The following MAPT variants were observed in gnomAD, a reference collection of about 807,000 sequenced individuals.
MAPT encodes the protein microtubule-associated protein tau.
In MAPT, 34 loss-of-function variants were observed where a neutral mutation model predicts 67.9. That is an observed-to-expected ratio of 0.50 (90% CI 0.38 to 0.67). MAPT has a LOEUF of 0.67. MAPT is among the 30% of genes least tolerant of loss of function. The pLI is 0.00. For missense variants in MAPT, 881 were observed against 1,115.2 expected (o/e 0.79, Z 2.99); for synonymous variants, 456 against 464.5 (o/e 0.98, Z 0.23).
At chr17:46,013,215 C>T (rs1240301993) in intron 10 of MAPT, among the ~76,000 whole-genome samples, 1 of 152,168 alleles carries the variant, frequency 6.6e-6, no homozygotes, top group East Asian at 1.9e-4. Flanking sequence ...TGGCTGCCCC[C>T]TTGCACCCTC....
At chr17:45,948,345 C>A (rs1384306838) in intron 1 of MAPT, among the ~76,000 whole-genome samples, 2 of 152,164 alleles carry the variant, frequency 1.3e-5, no homozygotes, top group Non-Finnish European at 2.9e-5. Flanking sequence ...GCTCCCCGCT[C>A]CTGGAGTAGA....
chr17:45,982,852 C>T lies in MAPT; in HGVS notation c.287-14C>T, dbSNP rs1029463906. On this transcript the variant is annotated splice_polypyrimidine_tract_variant and intron_variant, in intron 4 of 12. Transcript: ENST00000262410. ...CCTTGCTAACCTTTTGCTATCGCTG[C>T]CTCTTCAAACCAGAGGAGTTGAGAG... 1.6e-6 allele frequency: 2 copies of T among 1,277,670 alleles called. No homozygotes were observed. The highest frequency in any genetic ancestry group is 9.9e-7 in the Non-Finnish European group (1 of 1,010,270). The allele number at this position is 1,277,670 out of a possible 1,614,324, so 79.1% of individuals were successfully genotyped here.
intron 11 of MAPT, among the ~76,000 whole-genome samples, 181 bp downstream of exon 11, chr17:46,014,505 C>G (rs368500679): frequency 6.6e-6 from 1 of 152,060 alleles, no homozygotes; most frequent in Non-Finnish European, 1.5e-5. Flanking sequence ...GGCTCCAGCT[C>G]GCTCCTGCCC....
intron 1 of MAPT, among the ~76,000 whole-genome samples, chr17:45,920,428 C>A (rs557693528): frequency 3.7e-4 from 57 of 152,342 alleles, no homozygotes; most frequent in Admixed American, 1.4e-3. Flanking sequence ...GCTAGGCCAC[C>A]TTCCCATGGT....
At position 45,981,963 on chromosome 17, in the gene MAPT, G is replaced by A. The variant is rs369225583; in HGVS notation, c.287-903G>A. On this transcript the variant is annotated intron_variant, in intron 4 of 12. Transcript: ENST00000262410. ...TGAGCCCTGGAGTTAAAGTTGCAAT[G>A]AGCTGTGATTGCACCACTGCACTCT... Among the ~76,000 whole-genome samples, 3 of 149,650 alleles carry A rather than the reference G, an allele frequency of 2.0e-5. No individual in the cohort carries two copies. In the South Asian group the frequency reaches 6.4e-4, roughly 32 times the overall value.
chr17:46,014,020 C>G (rs144963912), intron 10 of MAPT, among the ~76,000 whole-genome samples: 23 of 152,284 alleles, frequency 1.5e-4, no homozygotes, highest in Non-Finnish European at 2.9e-4. Flanking sequence ...CCCAGCTCCC[C>G]TGGGGCAGGG....
rs181415509 is a variant in MAPT, at chr17:45,900,727, G to A, written c.-18+6041G>A. Among the ~76,000 whole-genome samples, 13 of 152,320 alleles carry A rather than the reference G, an allele frequency of 8.5e-5. No homozygotes were observed. The East Asian group carries it at 2.3e-3, about 27-fold the overall frequency. ...GTTTGGCCTAATGGTTAAGGAGGTA[G>A]GCTCTGATCGGGCCTCCTGGGCACA... On this transcript the variant is annotated intron_variant, in intron 1 of 12. Coordinates refer to ENST00000262410, the MANE Select transcript of MAPT (RefSeq NM_001377265.1).
chr17:46,023,204 T>G (rs950125671), intron 12 of MAPT, among the ~76,000 whole-genome samples: 4 of 152,220 alleles, frequency 2.6e-5, no homozygotes, highest in Non-Finnish European at 5.9e-5. Flanking sequence ...ACCTAAGAGC[T>G]TCACTTCTAG....
At chr17:45,964,945 T>C (rs1472988323) in intron 2 of MAPT, among the ~76,000 whole-genome samples, 1 of 152,090 alleles carries the variant, frequency 6.6e-6, no homozygotes, top group Non-Finnish European at 1.5e-5. Context: ...ACCCCGAAGG[T>C]TAGCCTGTTG....
intron 1 of MAPT, among the ~76,000 whole-genome samples, chr17:45,911,148 A>G (rs535733516): frequency 6.6e-6 from 1 of 152,176 alleles, no homozygotes; most frequent in Non-Finnish European, 1.5e-5. Flanking sequence ...AATTTCCACA[A>G]TGTTGTCTAA....
Position 46,024,495 on chromosome 17 carries a change from T to G in MAPT, c.*324T>G. On this transcript the variant is annotated 3_prime_UTR_variant, in exon 13 of 13. Transcript: ENST00000262410. ...GATTCTTTTTTCTTCCCCCTCCATGTAGAAGAGGGAGAAGGAGAGGCTCTG... is the reference window on the plus strand; with the variant it reads ...GATTCTTTTTTCTTCCCCCTCCATGGAGAAGAGGGAGAAGGAGAGGCTCTG... 2.3e-6 allele frequency: 1 copy of G among 425,918 alleles called. No homozygotes were observed. Among genetic ancestry groups the G allele is most frequent in the Non-Finnish European group, 4.4e-6 (1 of 228,174 alleles). The allele number at this position is 425,918 out of a possible 1,614,324, so 26.4% of individuals were successfully genotyped here. A position where few individuals can be genotyped will look rare whatever the true frequency, so the allele number is the denominator to read the frequency against.
intron 1 of MAPT, among the ~76,000 whole-genome samples, chr17:45,937,419 C>G (rs2067437467): frequency 6.6e-6 from 1 of 151,950 alleles, no homozygotes. Flanking sequence ...AAGACCCTAT[C>G]TCTACAAAAA....
chr17:45,956,745 A>C (rs1425483976), intron 1 of MAPT, among the ~76,000 whole-genome samples: 118 of 126,388 alleles, frequency 9.3e-4, no homozygotes, highest in African/African-American at 1.8e-3. Flanking sequence ...ATCCCTCCCC[A>C]CTCCCCCCAC....
chr17:45,951,642 G>A (rs896593100), intron 1 of MAPT, among the ~76,000 whole-genome samples: 1 of 152,094 alleles, frequency 6.6e-6, no homozygotes, highest in African/African-American at 2.4e-5. Context: ...CTGGGAGGGT[G>A]TGATTCTGAA....
chr17:45,980,978 C>T (rs1350685357), intron 4 of MAPT, among the ~76,000 whole-genome samples: 1 of 152,214 alleles, frequency 6.6e-6, no homozygotes, highest in Non-Finnish European at 1.5e-5. Context: ...GATTTAACCA[C>T]CTGCTGTGTG....
chr17:46,018,517 G>C (rs2076329603), intron 11 of MAPT, 101 bp from the exon 12 acceptor site: 1 of 897,528 alleles, frequency 1.1e-6, no homozygotes, highest in Non-Finnish European at 1.9e-6. Context: ...AGCAGCCCCT[G>C]GCACTTTGCC....
chr17:46,006,742 G>A lies in MAPT; in HGVS notation c.1999-3568G>A, dbSNP rs576235739. Among the ~76,000 whole-genome samples, 7 of 151,930 alleles carry A rather than the reference G, an allele frequency of 4.6e-5. No homozygotes were observed. In the East Asian group the frequency reaches 5.8e-4, roughly 13 times the overall value. On this transcript the variant is annotated intron_variant, in intron 9 of 12. Coordinates refer to ENST00000262410, the MANE Select transcript of MAPT (RefSeq NM_001377265.1). ...ATCCTAGCTAACATGGTGAAACCCC[G>A]TCTCTACTACAAATACAAAAAAAAG...
rs374615641 is a variant in MAPT at position 45,966,404 on chromosome 17, A to G, written c.133+3934A>G. ...GGAGTTTGAGACAAGCCTGGGCAAC[A>G]TGGTGAAATCCTGTCTCTAAAAAAA... On this transcript the variant is annotated intron_variant, in intron 2 of 12. Coordinates refer to ENST00000262410, the MANE Select transcript of MAPT (RefSeq NM_001377265.1). Among the ~76,000 whole-genome samples the G allele has an allele frequency of 1.6e-4, 25 of 152,168 alleles. 1 individual carries two copies. The East Asian group carries it at 4.4e-3, about 27-fold the overall frequency.
intron 3 of MAPT, chr17:45,972,919 C>G (rs888709420): frequency 1.3e-5 from 2 of 152,290 alleles, no homozygotes; most frequent in African/African-American, 2.4e-5. Flanking sequence ...GGACATTGAG[C>G]ATTTTGCCGT....
Sources: allele counts gnomAD v4.1 joint callset (sites outside exome capture counted in the v4.1 genomes callset), GRCh38; gene constraint gnomAD v4.1.1; transcripts MANE v1.5; gene names NCBI Gene and HGNC (gene_info 2026-07-23, HGNC 2026-07-21).